FKBP5: variants seen among roughly 807,000 people sequenced by gnomAD.
The protein encoded by FKBP5 is FKBP prolyl isomerase 5, also known as peptidyl-prolyl cis-trans isomerase FKBP5.
FKBP5 carries 23 observed loss-of-function variants against 50.5 expected under a neutral mutation model. The observed-to-expected ratio is 0.46, with a 90% CI of 0.33 to 0.65. FKBP5 has a LOEUF of 0.65. Ranked by LOEUF, FKBP5 falls within the 30% of genes least tolerant of loss-of-function variation. FKBP5 has a pLI of 0.02. For missense variants in FKBP5, 411 were observed against 553.1 expected, an observed-to-expected ratio of 0.74 and a Z score of 2.58; for synonymous variants, 176 against 190.6, an observed-to-expected ratio of 0.92 and a Z score of 0.63.
chr6:35,683,461 A>G (rs1225141959), intron 1 of FKBP5, among the ~76,000 whole-genome samples: 1 of 150,294 alleles, frequency 6.7e-6, no homozygotes, highest in Non-Finnish European at 1.5e-5. Context: ...TGCCTGGTAT[A>G]TATATATACT....
At chr6:35,584,644 T>C (rs2150954984) in intron 8 of FKBP5, 1 of 985,440 alleles carries the variant, frequency 1.0e-6, no homozygotes, top group South Asian at 4.7e-5. Flanking sequence ...CTTTTACCTA[T>C]AATTATAAAG....
At chr6:35,646,025 A>G (rs947082600) in intron 1 of FKBP5, among the ~76,000 whole-genome samples, 5 of 152,178 alleles carry the variant, frequency 3.3e-5, no homozygotes, top group African/African-American at 1.2e-4. Context: ...CTGAGGCACA[A>G]GAATCACTTG....
chr6:35,645,817 T>C (rs1764614175), intron 1 of FKBP5, among the ~76,000 whole-genome samples: 1 of 152,180 alleles, frequency 6.6e-6, no homozygotes, highest in Non-Finnish European at 1.5e-5. Flanking sequence ...ATACTGTCAA[T>C]GAAGAAATGT....
At chr6:35,650,946 C>G (rs1393324721) in intron 1 of FKBP5, among the ~76,000 whole-genome samples, 2 of 152,116 alleles carry the variant, frequency 1.3e-5, no homozygotes, top group Non-Finnish European at 2.9e-5. Context: ...CCCTTTAAGA[C>G]AGCTAATCTC....
chr6:35,594,996 T>C (rs1762938464), intron 6 of FKBP5, among the ~76,000 whole-genome samples: 1 of 152,176 alleles, frequency 6.6e-6, no homozygotes, highest in Non-Finnish European at 1.5e-5. Flanking sequence ...GCCGTCACAA[T>C]AGCAACAAAA....
chr6:35,656,891 G>A (rs1408209295), intron 1 of FKBP5, among the ~76,000 whole-genome samples: 4 of 75,942 alleles, frequency 5.3e-5, no homozygotes, highest in African/African-American at 1.8e-4. Context: ...GCAAGACTCC[G>A]TCTCAAAAAA....
intron 3 of FKBP5, among the ~76,000 whole-genome samples, chr6:35,629,445 T>C (rs1322314680): frequency 1.3e-5 from 2 of 152,222 alleles, no homozygotes; most frequent in South Asian, 2.1e-4. Flanking sequence ...ATTTTTGTCA[T>C]TTCTCTAACT....
intron 1 of FKBP5, among the ~76,000 whole-genome samples, chr6:35,650,534 C>T (rs1172891991): frequency 6.6e-6 from 1 of 151,836 alleles, no homozygotes; most frequent in Non-Finnish European, 1.5e-5. Context: ...AGTGCAGTGG[C>T]CTGATCTTGG....
chr6:35,636,779 A>G (rs1425683047), intron 3 of FKBP5, among the ~76,000 whole-genome samples: 1 of 152,190 alleles, frequency 6.6e-6, no homozygotes, highest in Non-Finnish European at 1.5e-5. Context: ...CATCAGTGCA[A>G]ATAAATGTCA....
chr6:35,668,174 T>G (rs1765281815), intron 1 of FKBP5, among the ~76,000 whole-genome samples: 1 of 152,234 alleles, frequency 6.6e-6, no homozygotes, highest in South Asian at 2.1e-4. Context: ...CTGCATAAAA[T>G]CCAACTCTTC....
chr6:35,703,683 C>T (rs1425383612), intron 2 of FKBP5, among the ~76,000 whole-genome samples: 1 of 152,164 alleles, frequency 6.6e-6, no homozygotes, highest in Non-Finnish European at 1.5e-5. Context: ...GCCTCTCAAA[C>T]TAGAAGTCAG....
chr6:35,686,927 A>G (rs1218559548), intron 1 of FKBP5, among the ~76,000 whole-genome samples: 1 of 152,228 alleles, frequency 6.6e-6, no homozygotes, highest in East Asian at 1.9e-4. Context: ...CAAAGACCTC[A>G]TAGCTTGTTA....
chr6:35,631,656 CA>C (rs1454409077), intron 3 of FKBP5, among the ~76,000 whole-genome samples: 9 of 151,858 alleles, frequency 5.9e-5, no homozygotes, highest in African/African-American at 2.2e-4. Context: ...ACAAAGAATC[CA>C]AAAAATAGTA....
upstream of FKBP5, among the ~76,000 whole-genome samples, chr6:35,693,220 T>C (rs1173015343): frequency 7.6e-5 from 11 of 143,850 alleles, no homozygotes; most frequent in Admixed American, 2.9e-4. Flanking sequence ...TGGAGTGCAG[T>C]GGCGCGATCT....
chr6:35,701,580 G>C (rs1766190782), intron 2 of FKBP5, among the ~76,000 whole-genome samples: 1 of 151,070 alleles, frequency 6.6e-6, no homozygotes, highest in African/African-American at 2.4e-5. Context: ...TCACTCTGTT[G>C]CAAGGCTGGA....
At chr6:35,667,883 T>C (rs1456488086) in intron 1 of FKBP5, among the ~76,000 whole-genome samples, 2 of 152,198 alleles carry the variant, frequency 1.3e-5, no homozygotes, top group South Asian at 2.1e-4. Context: ...AAGAATCACT[T>C]GAACTCAGGA....
At chr6:35,647,351 AACG>A (rs1251611364) in intron 1 of FKBP5, among the ~76,000 whole-genome samples, 2 of 152,236 alleles carry the variant, frequency 1.3e-5, no homozygotes, top group Non-Finnish European at 2.9e-5. Flanking sequence ...AAAAAGGTTG[AACG>A]ACAGGACTAA....
chr6:35,576,014 G>A, intron 10 of FKBP5, 72 bp from the exon 11 acceptor site: 1 of 1,048,700 alleles, frequency 9.5e-7, no homozygotes, highest in Non-Finnish European at 1.5e-6. Flanking sequence ...CCTCCAGACT[G>A]TGTATCAGGT....
At chr6:35,694,098 C>A (rs1405430283) in intron 2 of FKBP5, among the ~76,000 whole-genome samples, 1 of 152,058 alleles carries the variant, frequency 6.6e-6, no homozygotes, top group East Asian at 1.9e-4. Context: ...CTTGGCCTCC[C>A]AGAATACTGG....
Sources: gnomAD v4.1 joint callset for allele counts (sites outside exome capture counted in the v4.1 genomes callset) on GRCh38, gnomAD v4.1.1 for gene constraint, MANE v1.5 for transcripts, NCBI Gene and HGNC (gene_info 2026-07-23, HGNC 2026-07-21) for gene names.